Variants in ADGRL3 observed in about 807,000 individuals in gnomAD.
ADGRL3 encodes the protein adhesion G protein-coupled receptor L3, also known as calcium-independent alpha-latrotoxin receptor 3.
In ADGRL3, 62 loss-of-function variants were observed where a neutral mutation model predicts 153.5. That is an observed-to-expected ratio of 0.40 (90% CI 0.33 to 0.50). The LOEUF is 0.50. Ranked by LOEUF, ADGRL3 falls within the 20% of genes least tolerant of loss-of-function variation. The pLI is 0.47. For synonymous variants in ADGRL3, 710 were observed against 672.5 expected (o/e 1.06, Z -0.86); for missense variants, 1,641 against 1,859.4 (o/e 0.88, Z 2.16).
At chr4:61,380,373 A>G (rs191374477) in intron 1 of ADGRL3, among the ~76,000 whole-genome samples, 9 of 152,172 alleles carry the variant, frequency 5.9e-5, no homozygotes, top group Admixed American at 5.9e-4. Flanking sequence ...TGATGAATCA[A>G]TGAAGTTTCT....
At chr4:62,038,999 A>C (rs960028670) in intron 24 of ADGRL3, among the ~76,000 whole-genome samples, 1 of 151,630 alleles carries the variant, frequency 6.6e-6, no homozygotes, top group African/African-American at 2.4e-5. Context: ...GTTTAAATTG[A>C]TAAATAAACT....
chr4:61,297,165 G>A (rs570335455), intron 1 of ADGRL3, among the ~76,000 whole-genome samples: 1 of 152,212 alleles, frequency 6.6e-6, no homozygotes, highest in African/African-American at 2.4e-5. Flanking sequence ...CTTTTTGATT[G>A]CATGGGTAAC....
At chr4:61,794,870 T>G (rs889666855) in intron 8 of ADGRL3, among the ~76,000 whole-genome samples, 2 of 152,224 alleles carry the variant, frequency 1.3e-5, no homozygotes, top group Admixed American at 1.3e-4. Context: ...TGAGCATAGA[T>G]CTTAACTGTA....
Position 61,936,047 on chromosome 4 carries a change from T to A in ADGRL3, c.2419+2T>A. ...CCTTAAAGCAAAATGGCCGAAATGGTAGGTTAGAGTTTATTTTTTAAGCTT... is the reference window on the plus strand; with the variant it reads ...CCTTAAAGCAAAATGGCCGAAATGGAAGGTTAGAGTTTATTTTTTAAGCTT... On this transcript the variant is annotated splice_donor_variant, in intron 15 of 26. Coordinates refer to ENST00000683033, the MANE Select transcript of ADGRL3 (RefSeq NM_001387552.1). LOFTEE classifies it high-confidence loss of function. 1 of 1,610,186 alleles carries A rather than the reference T, an allele frequency of 6.2e-7. No individual in the cohort carries two copies. Among genetic ancestry groups the A allele is most frequent in the Non-Finnish European group, 8.5e-7 (1 of 1,178,210 alleles).
At chr4:61,483,998 A>C (rs1480901501) in intron 2 of ADGRL3, among the ~76,000 whole-genome samples, 1 of 151,900 alleles carries the variant, frequency 6.6e-6, no homozygotes, top group Non-Finnish European at 1.5e-5. Context: ...ATATTAAATA[A>C]ATTCTGCTCA....
chr4:61,602,674 C>T (rs1232422739), intron 5 of ADGRL3, among the ~76,000 whole-genome samples: 1 of 152,106 alleles, frequency 6.6e-6, no homozygotes, highest in Non-Finnish European at 1.5e-5. Context: ...GGTCAGTCTG[C>T]AGGTTCTTGA....
chr4:61,718,787 G>GA (rs750325500), intron 6 of ADGRL3, among the ~76,000 whole-genome samples: 55 of 150,414 alleles, frequency 3.7e-4, no homozygotes, highest in African/African-American at 4.6e-4. Flanking sequence ...GGCTTTTAAG[G>GA]AAAAAAAAAT....
intron 2 of ADGRL3, among the ~76,000 whole-genome samples, chr4:61,476,700 A>ACT (rs1193099757): frequency 2.4e-5 from 3 of 122,450 alleles, no homozygotes; most frequent in Non-Finnish European, 5.0e-5. Flanking sequence ...CAAGAGCAAG[A>ACT]CTCTGTCTAA....
At chr4:61,613,713 C>G (rs1265527152) in intron 5 of ADGRL3, among the ~76,000 whole-genome samples, 1 of 152,204 alleles carries the variant, frequency 6.6e-6, no homozygotes, top group Non-Finnish European at 1.5e-5. Context: ...TACTGCACTC[C>G]AGCCTGGGTG....
At chr4:61,672,992 A>T (rs1302388328) in intron 5 of ADGRL3, among the ~76,000 whole-genome samples, 1 of 152,034 alleles carries the variant, frequency 6.6e-6, no homozygotes, top group Non-Finnish European at 1.5e-5. Context: ...ATGGAATATT[A>T]TTCAGCCTTA....
At chr4:61,211,402 C>T (rs534137977) in intron 1 of ADGRL3, among the ~76,000 whole-genome samples, 1 of 152,298 alleles carries the variant, frequency 6.6e-6, no homozygotes, top group Non-Finnish European at 1.5e-5. Context: ...TTATACTGAT[C>T]TACTGTCATC....
chr4:61,593,560 A>G (rs2098977804), intron 5 of ADGRL3, among the ~76,000 whole-genome samples: 1 of 152,056 alleles, frequency 6.6e-6, no homozygotes, highest in Non-Finnish European at 1.5e-5. Flanking sequence ...CACTGGATAT[A>G]CTATCCTAGG....
intron 21 of ADGRL3, 52 bp from the exon 22 acceptor site, chr4:62,028,803 T>C (rs1348203137): frequency 6.7e-7 from 1 of 1,486,518 alleles, no homozygotes; most frequent in East Asian, 2.3e-5. Flanking sequence ...AAATTCTTTG[T>C]CATAAAATGC....
intron 3 of ADGRL3, among the ~76,000 whole-genome samples, chr4:61,516,374 CT>C (rs5858709): frequency 0.76 from 115,281 of 151,896 alleles, 44,111 homozygotes; most frequent in East Asian, 0.94. Flanking sequence ...TTAAAAAATA[CT>C]TGTGTGAAGC....
chr4:61,448,297 G>C (rs1467544158), intron 2 of ADGRL3, among the ~76,000 whole-genome samples: 1 of 152,096 alleles, frequency 6.6e-6, no homozygotes, highest in Non-Finnish European at 1.5e-5. Flanking sequence ...CTGTTACAAA[G>C]CTTAAAAATA....
At chr4:61,808,272 G>A (rs527969442) in intron 8 of ADGRL3, among the ~76,000 whole-genome samples, 1 of 152,134 alleles carries the variant, frequency 6.6e-6, no homozygotes, top group Non-Finnish European at 1.5e-5. Context: ...ACCGACCACA[G>A]AGTGGGAGCG....
intron 1 of ADGRL3, among the ~76,000 whole-genome samples, chr4:61,247,099 C>G (rs1391318109): frequency 1.3e-5 from 2 of 152,020 alleles, no homozygotes; most frequent in African/African-American, 4.8e-5. Flanking sequence ...TTTCAGGCAT[C>G]TTTGCCATGA....
intron 6 of ADGRL3, among the ~76,000 whole-genome samples, chr4:61,713,566 T>A (rs2096046503): frequency 6.6e-6 from 1 of 151,930 alleles, no homozygotes; most frequent in African/African-American, 2.4e-5. Flanking sequence ...AATGAAAGTA[T>A]ATGAGTTGAA....
chr4:61,574,319 C>T (rs908483952), intron 4 of ADGRL3, among the ~76,000 whole-genome samples: 11 of 151,792 alleles, frequency 7.2e-5, no homozygotes, highest in African/African-American at 2.7e-4. Flanking sequence ...AGAATAATTG[C>T]AATAAGGTAT....
Sources: allele counts gnomAD v4.1 joint callset (sites outside exome capture counted in the v4.1 genomes callset), GRCh38; gene constraint gnomAD v4.1.1; transcripts MANE v1.5; gene names NCBI Gene and HGNC (gene_info 2026-07-23, HGNC 2026-07-21).